Variants in SLX4 observed in about 807,000 individuals in gnomAD.
The protein encoded by SLX4 is structure-specific endonuclease subunit SLX4.
In SLX4, 112 loss-of-function variants were observed where a neutral mutation model predicts 146.2. That is an observed-to-expected ratio of 0.77 (90% CI 0.66 to 0.90). The LOEUF is 0.90. Among genes scored for constraint, SLX4 ranks in the 40% least tolerant of loss-of-function variants. The pLI is 0.00. For missense variants in SLX4, 2,563 were observed against 2,392.7 expected, an observed-to-expected ratio of 1.07 and a Z score of -1.49; for synonymous variants, 1,061 against 997.7, an observed-to-expected ratio of 1.06 and a Z score of -1.20.
intron 5 of SLX4, among the ~76,000 whole-genome samples, chr16:3,599,577 C>T (rs114651296): frequency 2.8e-3 from 420 of 152,308 alleles, no homozygotes; most frequent in African/African-American, 9.5e-3. Context: ...GTTGCACCAA[C>T]TTTGTTGTTG....
intron 3 of SLX4, 106 bp downstream of exon 3, chr16:3,606,368 C>T: frequency 8.3e-7 from 1 of 1,209,882 alleles, no homozygotes; most frequent in Non-Finnish European, 1.2e-6. Flanking sequence ...AAGCAGAGAG[C>T]CTATCCACAG....
intron 5 of SLX4, 84 bp downstream of exon 5, chr16:3,600,895 C>T: frequency 6.9e-7 from 1 of 1,456,388 alleles, no homozygotes; most frequent in Non-Finnish European, 9.5e-7. Flanking sequence ...TGCGTCCAGC[C>T]CATAAAAAGC....
intron 12 of SLX4, among the ~76,000 whole-genome samples, chr16:3,586,070 C>G (rs1442629447): frequency 2.0e-5 from 3 of 152,138 alleles, no homozygotes; most frequent in African/African-American, 4.8e-5. Flanking sequence ...GGTGCAGTCA[C>G]TTTGGAAAAC....
Position 3,609,177 on chromosome 16 carries a change from G to C in SLX4, c.-213C>G, listed in dbSNP as rs2040821387. On this transcript the variant is annotated 5_prime_UTR_variant, in exon 2 of 15. Coordinates refer to ENST00000294008, the MANE Select transcript of SLX4 (RefSeq NM_032444.4). ...CCAGCTCTTTTGGAGGACGAGGCGG[G>C]GGGTGGATCACCTGAGGTCAGAAGT... The C allele has an allele frequency of 5.7e-6, 3 of 524,650 alleles. No homozygotes were observed. The highest frequency in any genetic ancestry group is 1.0e-5 in the Non-Finnish European group (3 of 293,160). The allele number at this position is 524,650 out of a possible 1,614,324, so 32.5% of individuals were successfully genotyped here.
chr16:3,595,708 C>T lies in SLX4; in HGVS notation c.1925-15G>A. The stretch of plus-strand genomic sequence containing the variant: ...CACGTCCAACCCTGAGTGGAGGATT[C>T]ACAGGTTAAAGGAACGTCACAGCCC... On this transcript the variant is annotated splice_polypyrimidine_tract_variant and intron_variant, in intron 8 of 14. Coordinates refer to ENST00000294008, the MANE Select transcript of SLX4 (RefSeq NM_032444.4). The T allele has an allele frequency of 1.2e-6, 2 of 1,613,736 alleles. No individual in the cohort carries two copies.
chr16:3,589,566 C>A lies in SLX4; in HGVS notation c.4072G>T (p.Ala1358Ser), dbSNP rs1340812315. Residue 1358 changes from alanine to serine, a missense_variant, in exon 12 of 15, where the codon GCT becomes TCT. Physicochemically the swap from Ala to Ser is moderately conservative, Grantham distance 99. Transcript: ENST00000294008. The surrounding 1 kb of genome is among the most constrained non-coding windows in gnomAD (Gnocchi z 6.2). ...PGGHPHSSPL[A>S]PHPISGDRAH... ...CGGTCCCCTGAGATGGGATGTGGAG[C>A]CAGCGGAGAGGAGTGCGGGTGGCCC... The A allele has an allele frequency of 6.2e-7, 1 of 1,612,630 alleles. No homozygotes were observed.
chr16:3,591,383 G>A (rs1004981679), intron 11 of SLX4, 73 bp from the exon 12 acceptor site: 33 of 1,588,066 alleles, frequency 2.1e-5, no homozygotes, highest in Admixed American at 1.0e-4. Context: ...GTGGGGTGGC[G>A]GACCAGAGCA....
At chr16:3,603,302 C>A (rs2040748258) in intron 3 of SLX4, among the ~76,000 whole-genome samples, 1 of 152,222 alleles carries the variant, frequency 6.6e-6, no homozygotes, top group South Asian at 2.1e-4. Context: ...CTTGGCCTCC[C>A]CAAAGTGCTG....
chr16:3,600,900 A>C, intron 5 of SLX4, 79 bp downstream of exon 5: 1 of 1,514,220 alleles, frequency 6.6e-7, no homozygotes, highest in Non-Finnish European at 9.1e-7. Flanking sequence ...CCAGCCCATA[A>C]AAAGCTTTTT....
Position 3,589,256 on chromosome 16 carries a change from G to A in SLX4, c.4382C>T (p.Ala1461Val), listed in dbSNP as rs1186678343. 2 of 1,604,744 alleles carry A rather than the reference G, an allele frequency of 1.2e-6. No homozygotes were observed. The highest frequency in any genetic ancestry group is 3.4e-5 in the Admixed American group (2 of 59,428). The stretch of plus-strand genomic sequence containing the variant: ...GGAGCGACAGTCACGGCTGTCGGCG[G>A]CCTCGTTCATCCTGCGGCTGGGGCT... ...TSSPSRRMNE[A>V]ADSRDCRSPG... Residue 1461 changes from alanine to valine, a missense_variant, in exon 12 of 15, where the codon GCC (alanine) becomes GTC (valine). By Grantham distance (64) the Ala-to-Val change is moderately conservative (BLOSUM62 0). Coordinates refer to ENST00000294008, the MANE Select transcript of SLX4 (RefSeq NM_032444.4). The surrounding 1 kb of genome is among the most constrained non-coding windows in gnomAD (Gnocchi z 6.2).
At chr16:3,600,536 G>A (rs1245579468) in intron 5 of SLX4, 2 of 202,116 alleles carry the variant, frequency 9.9e-6, no homozygotes, top group East Asian at 3.0e-4. Flanking sequence ...TCCGCCCTAA[G>A]TGTTTCATTT....
chr16:3,586,209 C>T (rs1159236022), intron 12 of SLX4, among the ~76,000 whole-genome samples: 1 of 152,108 alleles, frequency 6.6e-6, no homozygotes, highest in Non-Finnish European at 1.5e-5. Flanking sequence ...TCCTAAGTGG[C>T]ATTATTAATA....
At chr16:3,586,141 T>C (rs2040505858) in intron 12 of SLX4, among the ~76,000 whole-genome samples, 1 of 152,096 alleles carries the variant, frequency 6.6e-6, no homozygotes, top group African/African-American at 2.4e-5. Flanking sequence ...ATTCCACTCC[T>C]AAGTACAGAA....
chr16:3,595,216 G>A (rs986227338), intron 9 of SLX4, among the ~76,000 whole-genome samples: 2 of 152,240 alleles, frequency 1.3e-5, no homozygotes, highest in African/African-American at 4.8e-5. Flanking sequence ...AGGGGAGGGA[G>A]AGCAAGCCCT....
rs771002901 is a variant in SLX4, at chr16:3,592,765, T to G, written c.2261A>C (p.Tyr754Ser). ...AAGGCCAGTGTCCGCAGTGTAGAGA[T>G]AGTGCAGGAACGTGCGGGCGGCCTC... is the stretch of plus-strand genomic sequence containing the variant. The part of the protein sequence containing the change: ...STEAARTFLH[Y>S]LYTADTGLPP... The change falls in exon 11 of 15, where the codon TAT (tyrosine) becomes TCT (serine). Residue 754 changes from tyrosine to serine, a missense_variant. By Grantham distance (144) the Tyr-to-Ser change is moderately radical. Transcript: ENST00000294008. The G allele has an allele frequency of 6.2e-7, 1 of 1,613,122 alleles. No homozygotes were observed.
chr16:3,601,885 A>T (rs1009269174), intron 4 of SLX4: 20 of 521,434 alleles, frequency 3.8e-5, no homozygotes, highest in Non-Finnish European at 6.6e-5. Flanking sequence ...TTGTGGTGAC[A>T]GTTGCCCAAC....
intron 2 of SLX4, among the ~76,000 whole-genome samples, chr16:3,607,552 T>C (rs2040800579): frequency 6.6e-6 from 1 of 152,068 alleles, no homozygotes; most frequent in African/African-American, 2.4e-5. Context: ...GGCACGGTGG[T>C]GGGTGCCTGT....
chr16:3,583,177 A>C lies in SLX4; in HGVS notation c.5073T>G (p.Asn1691Lys). The C allele has an allele frequency of 6.2e-7, 1 of 1,614,216 alleles. No homozygotes were observed. Among genetic ancestry groups the C allele is most frequent in the South Asian group, 1.1e-5 (1 of 91,086 alleles). ...SPTKEAPPGL[N>K]DDAQIPASQE... Reference sequence around the variant, plus strand: ...GAGAGGCTGGGATCTGGGCGTCATCATTGAGGCCTGGAGGTGCCTCCTTGG... The same window carrying C: ...GAGAGGCTGGGATCTGGGCGTCATCCTTGAGGCCTGGAGGTGCCTCCTTGG... The change falls in exon 14 of 15, where the codon AAT becomes AAG. Residue 1691 changes from asparagine (N) to lysine (K), a missense_variant. Transcript: ENST00000294008.
At chr16:3,596,782 G>A (rs1344852775) in intron 7 of SLX4, among the ~76,000 whole-genome samples, 3 of 151,872 alleles carry the variant, frequency 2.0e-5, no homozygotes, top group Non-Finnish European at 4.4e-5. Flanking sequence ...GCCAGTTTCC[G>A]GGCTCCATCT....
Sources: allele counts gnomAD v4.1 joint callset (sites outside exome capture counted in the v4.1 genomes callset), GRCh38; gene constraint gnomAD v4.1.1; non-coding constraint Gnocchi (gnomAD v3.1); transcripts MANE v1.5; gene names NCBI Gene and HGNC (gene_info 2026-07-23, HGNC 2026-07-21).